NMI: variants seen among roughly 807,000 people sequenced by gnomAD.
The protein encoded by NMI is N-myc-interactor.
Under a neutral mutation model 34.3 loss-of-function variants are expected in NMI, and 39 were observed. The ratio of observed to expected loss-of-function variants is 1.14; its 90% CI spans 0.88 to 1.49. NMI has a LOEUF of 1.49. NMI is among the 40% of genes most tolerant of loss of function. The probability of loss-of-function intolerance (pLI) is 0.00; values close to 1 mark genes in which losing one functional copy is unlikely to be tolerated. For synonymous variants in NMI, 113 were observed against 120.3 expected (o/e 0.94, Z 0.40); for missense variants, 339 against 358.1 (o/e 0.95, Z 0.43).
chr2:151,280,701 A>G (rs568099052), intron 3 of NMI, among the ~76,000 whole-genome samples: 1 of 152,180 alleles, frequency 6.6e-6, no homozygotes, highest in African/African-American at 2.4e-5. Flanking sequence ...ATAAGACTGC[A>G]TGATTCTAGC....
chr2:151,270,688 TAA>T lies in NMI; in HGVS notation c.*3_*4del, dbSNP rs770916604. 1 of 1,604,206 alleles carries T rather than the reference TAA, an allele frequency of 6.2e-7. No individual in the cohort carries two copies. Among genetic ancestry groups the T allele is most frequent in the African/African-American group, 1.3e-5 (1 of 74,644 alleles). On this transcript the variant is annotated 3_prime_UTR_variant, in exon 8 of 8. Transcript: ENST00000243346. The stretch of plus-strand genomic sequence containing the variant: ...AAAGCTATAGTTTTCATGATTCTGT[TAA>T]GTCTATTCTTCAAAGTATGCTATGT...
chr2:151,272,311 A>AG (rs1683203233), intron 6 of NMI, among the ~76,000 whole-genome samples: 2 of 152,208 alleles, frequency 1.3e-5, no homozygotes, highest in Non-Finnish European at 2.9e-5. Context: ...ATGTGTGTCA[A>AG]GACTGTAACA....
intron 7 of NMI, among the ~76,000 whole-genome samples, chr2:151,271,167 G>A (rs980579572): frequency 1.3e-5 from 2 of 152,176 alleles, no homozygotes; most frequent in Non-Finnish European, 2.9e-5. Flanking sequence ...GAATGTTGGA[G>A]GTGAAGCAAA....
At position 151,275,617 on chromosome 2, in the gene NMI, T is replaced by A; in HGVS notation, c.501A>T (p.Thr167=). 1 of 1,614,204 alleles carries A rather than the reference T, an allele frequency of 6.2e-7. No homozygotes were observed. Among genetic ancestry groups the A allele is most frequent in the Non-Finnish European group, 8.5e-7 (1 of 1,180,012 alleles). Residue 167 remains threonine (T), a synonymous_variant, in exon 6 of 8, where the codon ACA becomes ACT. Transcript: ENST00000243346. ...MKINVTEIPD[T]LREDQMRDKL... The stretch of plus-strand genomic sequence containing the variant: ...TGTCTCTCATTTGATCTTCACGCAA[T>A]GTGTCAGGAATTTCAGTAACATTGA...
At chr2:151,287,347 A>ACACG (rs1416204844) in intron 1 of NMI, among the ~76,000 whole-genome samples, 1 of 151,362 alleles carries the variant, frequency 6.6e-6, no homozygotes, top group Non-Finnish European at 1.5e-5. Context: ...ACACACACAC[A>ACACG]CGCATACATA....
At chr2:151,281,166 T>C (rs1304615921) in intron 3 of NMI, among the ~76,000 whole-genome samples, 2 of 152,046 alleles carry the variant, frequency 1.3e-5, no homozygotes, top group African/African-American at 2.4e-5. Flanking sequence ...AACATCTGAG[T>C]TGTTAAGAAA....
At chr2:151,274,199 C>A (rs1683240746) in intron 6 of NMI, among the ~76,000 whole-genome samples, 1 of 151,322 alleles carries the variant, frequency 6.6e-6, no homozygotes, top group African/African-American at 2.4e-5. Flanking sequence ...AAAAATTAGT[C>A]AGGCATGGTG....
chr2:151,275,497 A>C lies in NMI; in HGVS notation c.621T>G (p.Phe207Leu), dbSNP rs1402936599. 2 of 1,613,796 alleles carry C rather than the reference A, an allele frequency of 1.2e-6. No homozygotes were observed. Among genetic ancestry groups the C allele is most frequent in the Non-Finnish European group, 1.7e-6 (2 of 1,179,984 alleles). Residue 207 changes from phenylalanine to leucine, a missense_variant, in exon 6 of 8, where the codon TTT becomes TTG. Transcript: ENST00000243346. ...ACCCTTGAGTACCTCCAATCTCCACAAACGTGATGACTGCACTCCCGGACT... is the reference window on the plus strand; with the variant it reads ...ACCCTTGAGTACCTCCAATCTCCACCAACGTGATGACTGCACTCCCGGACT... ...DRQSGSAVIT[F>L]VEIGVADKIL...
At chr2:151,282,683 A>G (rs1271766856) in intron 2 of NMI, 185 bp downstream of exon 2, 1 of 387,140 alleles carries the variant, frequency 2.6e-6, no homozygotes, top group Admixed American at 4.6e-5. Flanking sequence ...CTTATAAGAG[A>G]AAGAATAAAA....
At position 151,270,760 on chromosome 2, in the gene NMI, C is replaced by G. The variant is rs1350804099; in HGVS notation, c.857G>C (p.Gly286Ala). 3 of 1,614,044 alleles carry G rather than the reference C, an allele frequency of 1.9e-6. No homozygotes were observed. Among genetic ancestry groups the G allele is most frequent in the Non-Finnish European group, 2.5e-6 (3 of 1,179,948 alleles). ...INIHFQRAKN[G>A]GGEVDVVKCS... ...CTTGACCACATCTACTTCTCCACCT[C>G]CATTCTTTGCCCGTTGAAAGTGAAT... is the stretch of plus-strand genomic sequence containing the variant. The change falls in exon 8 of 8, where the codon GGA becomes GCA. Residue 286 changes from glycine (G) to alanine (A), a missense_variant. Gly to Ala is a moderately conservative substitution (Grantham distance 60, BLOSUM62 0). Transcript: ENST00000243346.
intron 4 of NMI, 97 bp from the exon 5 acceptor site, chr2:151,275,961 T>C: frequency 1.2e-6 from 1 of 820,440 alleles, no homozygotes; most frequent in Non-Finnish European, 1.9e-6. Flanking sequence ...ATTTTTAATT[T>C]TCTTTAATAT....
chr2:151,281,636 C>T (rs1683406984), intron 3 of NMI, among the ~76,000 whole-genome samples: 1 of 152,142 alleles, frequency 6.6e-6, no homozygotes, highest in Non-Finnish European at 1.5e-5. Context: ...TAAAGGGAAG[C>T]ATATGGTATG....
chr2:151,285,393 A>AGAT (rs925499201), intron 1 of NMI, among the ~76,000 whole-genome samples: 1 of 151,014 alleles, frequency 6.6e-6, no homozygotes, highest in African/African-American at 2.5e-5. Flanking sequence ...ATAGATAGAT[A>AGAT]GATAGATAGA....
At chr2:151,285,408 T>C (rs186203119) in intron 1 of NMI, among the ~76,000 whole-genome samples, 3,289 of 150,836 alleles carry the variant, frequency 0.022, 131 homozygotes, top group African/African-American at 0.077. Context: ...GATAGATAAA[T>C]AGACAGACAG....
intron 3 of NMI, 40 bp downstream of exon 3, chr2:151,281,908 T>A: frequency 1.0e-6 from 1 of 964,816 alleles, no homozygotes; most frequent in Non-Finnish European, 1.6e-6. Context: ...AAACCATGCA[T>A]CCATCAAAAA....
At chr2:151,281,872 T>C in intron 3 of NMI, 76 bp downstream of exon 3, 1 of 760,144 alleles carries the variant, frequency 1.3e-6, no homozygotes, top group South Asian at 1.6e-5. Context: ...AAAATGAATT[T>C]TGTGTAATTA....
At chr2:151,282,801 C>G (rs1558877475) in intron 2 of NMI, 67 bp downstream of exon 2, 3 of 823,380 alleles carry the variant, frequency 3.6e-6, no homozygotes, top group Non-Finnish European at 5.6e-6. Flanking sequence ...ACATACAAAA[C>G]ATGCCTTACT....
rs777904563 is a variant in NMI, at chr2:151,275,858, T to G, written c.347A>C (p.Gln116Pro). Residue 116 changes from glutamine (Q) to proline (P), a missense_variant, in exon 5 of 8, where the codon CAA (glutamine) becomes CCA (proline). Gln to Pro is a moderately conservative substitution (Grantham distance 76). Transcript: ENST00000243346. ...ATGTTTACTCATGCTTACCACATTT[T>G]GAGCAACTGAAAAATAATTCAGGAA... is the stretch of plus-strand genomic sequence containing the variant. Reference protein sequence around the residue: ...LITFEKEEVAQNVVSMSKHHV... With the variant: ...LITFEKEEVAPNVVSMSKHHV... 1.0e-4 allele frequency: 160 copies of G among 1,572,038 alleles called. 1 individual carries two copies. In the South Asian group the frequency reaches 1.5e-3, roughly 15 times the overall value.
chr2:151,273,720 C>T (rs564189765), intron 6 of NMI, among the ~76,000 whole-genome samples: 5 of 152,048 alleles, frequency 3.3e-5, no homozygotes, highest in South Asian at 2.1e-4. Context: ...AGGGGTCTCG[C>T]GATGTTGGCC....
Sources: gnomAD v4.1 joint callset for allele counts (sites outside exome capture counted in the v4.1 genomes callset) on GRCh38, gnomAD v4.1.1 for gene constraint, MANE v1.5 for transcripts, NCBI Gene and HGNC (gene_info 2026-07-23, HGNC 2026-07-21) for gene names.